Variants in PXDNL observed in about 807,000 individuals in gnomAD.
PXDNL encodes peroxidasin like, also known as probable oxidoreductase PXDNL.
Under a neutral mutation model 150.8 loss-of-function variants are expected in PXDNL, and 145 were observed. The ratio of observed to expected loss-of-function variants is 0.96; its 90% CI spans 0.84 to 1.10. The LOEUF is 1.10. PXDNL is among the 50% of genes least tolerant of loss of function. The pLI, the probability that PXDNL is intolerant of heterozygous loss-of-function variation, is 0.00. For missense variants in PXDNL, 2,087 were observed against 1,873.9 expected (o/e 1.11, Z -2.10); for synonymous variants, 757 against 725.7 (o/e 1.04, Z -0.69).
intron 21 of PXDNL, among the ~76,000 whole-genome samples, chr8:51,321,796 T>C (rs1805322843): frequency 6.6e-6 from 1 of 152,130 alleles, no homozygotes; most frequent in Admixed American, 6.5e-5. Flanking sequence ...TAGTTCTTTA[T>C]AGCAGTGTGA....
intron 1 of PXDNL, among the ~76,000 whole-genome samples, chr8:51,689,415 T>C (rs1158019221): frequency 6.6e-6 from 1 of 152,074 alleles, no homozygotes; most frequent in Non-Finnish European, 1.5e-5. Flanking sequence ...ACAACCTCTC[T>C]ATTGATCAAA....
intron 1 of PXDNL, among the ~76,000 whole-genome samples, chr8:51,677,478 C>T (rs1815649459): frequency 6.6e-6 from 1 of 152,154 alleles, no homozygotes; most frequent in African/African-American, 2.4e-5. Context: ...TGACCAGTTC[C>T]AGTGCATAAA....
At chr8:51,389,498 C>T (rs1807826138) in intron 17 of PXDNL, among the ~76,000 whole-genome samples, 1 of 152,164 alleles carries the variant, frequency 6.6e-6, no homozygotes, top group South Asian at 2.1e-4. Flanking sequence ...AGGCTTTCTG[C>T]AGAGAACTCT....
chr8:51,792,426 G>T (rs891540498), intron 1 of PXDNL, among the ~76,000 whole-genome samples: 1 of 152,200 alleles, frequency 6.6e-6, no homozygotes, highest in African/African-American at 2.4e-5. Flanking sequence ...GTGACCGGGG[G>T]ATCCTCGTGA....
intron 6 of PXDNL, 82 bp downstream of exon 6, chr8:51,483,561 G>T: frequency 1.3e-5 from 11 of 860,740 alleles, no homozygotes; most frequent in Non-Finnish European, 2.1e-5. Context: ...AAAAGCAGGA[G>T]AAGGCAACCA....
At chr8:51,370,683 G>A (rs976282858) in intron 19 of PXDNL, among the ~76,000 whole-genome samples, 11 of 152,270 alleles carry the variant, frequency 7.2e-5, no homozygotes, top group Admixed American at 3.3e-4. Flanking sequence ...TGCAACCTCC[G>A]CCTCCAGGGT....
Position 51,409,161 on chromosome 8 carries a change from C to A in PXDNL, c.2463G>T (p.Leu821=). The part of the protein sequence containing the change: ...EHDLDHTVPA[L]STARFSDGRP... ...GCCCATCCGAGAAGCGGGCTGTGCT[C>A]AGCGCAGGCACTGTGTGGTCCAAGT... is the stretch of plus-strand genomic sequence containing the variant. The change falls in exon 17 of 23, where the codon CTG becomes CTT. Residue 821 remains leucine, a synonymous_variant. Coordinates refer to ENST00000356297, the MANE Select transcript of PXDNL (RefSeq NM_144651.5). 1.2e-6 allele frequency: 2 copies of A among 1,600,788 alleles called. No homozygotes were observed. Among genetic ancestry groups the A allele is most frequent in the South Asian group, 1.1e-5 (1 of 89,948 alleles).
At position 51,764,445 on chromosome 8, in the gene PXDNL, C is replaced by T. The variant is rs1331336010; in HGVS notation, c.164+44736G>A. Among the ~76,000 whole-genome samples the T allele has an allele frequency of 2.0e-5, 3 of 150,482 alleles. No homozygotes were observed. In the East Asian group the frequency reaches 5.8e-4, roughly 29 times the overall value. On this transcript the variant is annotated intron_variant, in intron 1 of 22. Coordinates refer to ENST00000356297, the MANE Select transcript of PXDNL (RefSeq NM_144651.5). ...TTTTTTTTAATATGGGCATTTACAA[C>T]TCCAAATATCTCTCTGGCCATGACT...
chr8:51,722,729 T>C (rs962682825), intron 1 of PXDNL, among the ~76,000 whole-genome samples: 2 of 152,220 alleles, frequency 1.3e-5, no homozygotes, highest in Non-Finnish European at 2.9e-5. Context: ...TGTTGCACTA[T>C]TCTGCCATTC....
At chr8:51,520,102 A>G (rs1811629170) in intron 4 of PXDNL, among the ~76,000 whole-genome samples, 2 of 152,192 alleles carry the variant, frequency 1.3e-5, no homozygotes, top group African/African-American at 4.8e-5. Flanking sequence ...ACCCACAGAA[A>G]GAATGCCGGG....
At chr8:51,678,260 T>C (rs1446328835) in intron 1 of PXDNL, among the ~76,000 whole-genome samples, 1 of 152,182 alleles carries the variant, frequency 6.6e-6, no homozygotes, top group African/African-American at 2.4e-5. Flanking sequence ...TATCATCAGT[T>C]CTCAGACTTG....
intron 1 of PXDNL, among the ~76,000 whole-genome samples, chr8:51,786,112 C>T (rs1002400265): frequency 1.3e-4 from 20 of 152,270 alleles, no homozygotes; most frequent in African/African-American, 4.8e-4. Flanking sequence ...TTGTAAGAAC[C>T]AAAAATCAGC....
At chr8:51,744,670 C>A (rs1585717408) in intron 1 of PXDNL, among the ~76,000 whole-genome samples, 1 of 15,708 alleles carries the variant, frequency 6.4e-5, no homozygotes, top group Non-Finnish European at 1.1e-4. Context: ...AGCAAGACTC[C>A]ATCTCAAAAA....
chr8:51,624,869 A>T (rs1814334294), intron 2 of PXDNL, among the ~76,000 whole-genome samples: 1 of 151,864 alleles, frequency 6.6e-6, no homozygotes, highest in African/African-American at 2.4e-5. Context: ...TTTGATGGTC[A>T]TCATTACCCA....
intron 1 of PXDNL, among the ~76,000 whole-genome samples, chr8:51,692,539 T>G (rs926933518): frequency 6.6e-6 from 1 of 152,074 alleles, no homozygotes; most frequent in Non-Finnish European, 1.5e-5. Flanking sequence ...AATTTAGAAA[T>G]AAATCAAAAG....
At chr8:51,799,172 G>T (rs2129262113) in intron 1 of PXDNL, among the ~76,000 whole-genome samples, 2 of 152,282 alleles carry the variant, frequency 1.3e-5, no homozygotes, top group South Asian at 4.1e-4. Context: ...TCACTTATAA[G>T]TGGGAGCTGA....
chr8:51,455,627 G>C (rs1168901216), intron 9 of PXDNL, among the ~76,000 whole-genome samples: 2 of 152,148 alleles, frequency 1.3e-5, no homozygotes, highest in Non-Finnish European at 2.9e-5. Context: ...AAAGAGAATT[G>C]AGGACATTAG....
chr8:51,757,495 C>A (rs1433997691), intron 1 of PXDNL, among the ~76,000 whole-genome samples: 3 of 152,150 alleles, frequency 2.0e-5, no homozygotes, highest in African/African-American at 7.2e-5. Context: ...GTGATTTATT[C>A]TTGTGATTTT....
At chr8:51,577,922 GAAAA>G (rs773346987) in intron 3 of PXDNL, among the ~76,000 whole-genome samples, 1 of 80,418 alleles carries the variant, frequency 1.2e-5, no homozygotes, top group Non-Finnish European at 2.3e-5. Context: ...AGAAAAGAAA[GAAAA>G]GAAAGAAAGA....
Sources: gnomAD v4.1 joint callset for allele counts (sites outside exome capture counted in the v4.1 genomes callset) on GRCh38, gnomAD v4.1.1 for gene constraint, MANE v1.5 for transcripts, NCBI Gene and HGNC (gene_info 2026-07-23, HGNC 2026-07-21) for gene names.